The following DAOA variants were observed in gnomAD, a reference collection of about 807,000 sequenced individuals.
DAOA encodes D-amino acid oxidase regulator.
A neutral mutation model predicts 16.4 loss-of-function variants in DAOA; 15 were observed. That is an observed-to-expected ratio of 0.91 (90% CI 0.61 to 1.41). DAOA has a LOEUF of 1.41. Ranked by LOEUF, DAOA falls within the 40% of genes most tolerant of loss-of-function variation. The pLI, the probability that DAOA is intolerant of heterozygous loss-of-function variation, is 0.00. For missense variants in DAOA, 230 were observed against 176.8 expected, an observed-to-expected ratio of 1.30 and a Z score of -1.71; for synonymous variants, 75 against 59.1, an observed-to-expected ratio of 1.27 and a Z score of -1.23.
intron 4 of DAOA, among the ~76,000 whole-genome samples, chr13:105,480,314 A>G (rs1877626381): frequency 1.3e-5 from 2 of 152,200 alleles, no homozygotes; most frequent in Middle Eastern, 3.4e-3. Context: ...AGCAGATACA[A>G]TATTTTACCT....
At chr13:105,486,125 C>T (rs377377263) in intron 4 of DAOA, among the ~76,000 whole-genome samples, 1 of 152,080 alleles carries the variant, frequency 6.6e-6, no homozygotes, top group Non-Finnish European at 1.5e-5. Context: ...CATGTCATTG[C>T]CCTTCTTCAA....
chr13:105,476,671 T>C (rs1263810033), intron 4 of DAOA, among the ~76,000 whole-genome samples: 1 of 152,066 alleles, frequency 6.6e-6, no homozygotes, highest in Admixed American at 6.6e-5. Flanking sequence ...TGAATGGCTA[T>C]AAATAGGGCA....
chr13:105,466,436 G>A (rs1876521801), intron 2 of DAOA, 104 bp downstream of exon 2: 29 of 1,572,312 alleles, frequency 1.8e-5, no homozygotes, highest in Non-Finnish European at 2.4e-5. Flanking sequence ...GACAGGAAGT[G>A]GAACATGTCA....
intron 4 of DAOA, among the ~76,000 whole-genome samples, chr13:105,482,011 G>T (rs1460396559): frequency 7.2e-5 from 11 of 152,166 alleles, no homozygotes; most frequent in Non-Finnish European, 1.3e-4. Context: ...AGAGCAAAGG[G>T]ACTTATATGG....
intron 4 of DAOA, among the ~76,000 whole-genome samples, chr13:105,482,503 TA>T (rs1376013353): frequency 4.5e-4 from 68 of 149,626 alleles, no homozygotes; most frequent in Non-Finnish European, 8.3e-4. Flanking sequence ...GACCTTGGTG[TA>T]AGTTTTTTTT....
At chr13:105,478,520 G>A (rs1234866289) in intron 4 of DAOA, among the ~76,000 whole-genome samples, 1 of 152,132 alleles carries the variant, frequency 6.6e-6, no homozygotes, top group Non-Finnish European at 1.5e-5. Context: ...TTCTGTTCAA[G>A]AATAGACTTG....
chr13:105,479,068 G>T (rs1256799913), intron 4 of DAOA, among the ~76,000 whole-genome samples: 1 of 152,156 alleles, frequency 6.6e-6, no homozygotes, highest in Non-Finnish European at 1.5e-5. Context: ...ATTCAGTGGT[G>T]CACAGGACCA....
intron 4 of DAOA, among the ~76,000 whole-genome samples, chr13:105,483,010 C>T (rs1022502216): frequency 2.0e-5 from 3 of 152,092 alleles, no homozygotes; most frequent in East Asian, 1.9e-4. Context: ...TTCTTATGCT[C>T]CTTTTAATCT....
chr13:105,472,538 C>G lies in DAOA; in HGVS notation c.134C>G (p.Ala45Gly). 1 of 1,612,858 alleles carries G rather than the reference C, an allele frequency of 6.2e-7. No individual in the cohort carries two copies. Among genetic ancestry groups the G allele is most frequent in the Non-Finnish European group, 8.5e-7 (1 of 1,179,402 alleles). Residue 45 changes from alanine (A) to glycine (G), a missense_variant and splice_region_variant, in exon 4 of 6, where the codon GCA (alanine) becomes GGA (glycine). Coordinates refer to ENST00000375936, the MANE Select transcript of DAOA (RefSeq NM_172370.5). ...TATATCCACTTAAATACTGTTGCAG[C>G]AAAGGAGACAGAAGAAGGAAGAGAG... is the stretch of plus-strand genomic sequence containing the variant. ...SKSENSLNSIAKETEEGRETV... is the reference protein window; with the variant it reads ...SKSENSLNSIGKETEEGRETV...
At chr13:105,486,104 G>A (rs952217673) in intron 4 of DAOA, among the ~76,000 whole-genome samples, 12 of 152,090 alleles carry the variant, frequency 7.9e-5, no homozygotes, top group Admixed American at 2.6e-4. Context: ...TTGTAAAAAA[G>A]CAAATTGGAA....
At chr13:105,485,375 C>A (rs1254222472) in intron 4 of DAOA, among the ~76,000 whole-genome samples, 1 of 151,992 alleles carries the variant, frequency 6.6e-6, no homozygotes, top group Non-Finnish European at 1.5e-5. Context: ...ATGGCATCAT[C>A]ATCTGGAAGA....
intron 4 of DAOA, among the ~76,000 whole-genome samples, chr13:105,480,180 T>C (rs183830455): frequency 1.4e-4 from 21 of 152,330 alleles, no homozygotes; most frequent in African/African-American, 4.8e-4. Context: ...TTCCCTGTCA[T>C]TAAAATTTCA....
chr13:105,467,008 G>T (rs749623011), intron 2 of DAOA, 45 bp from the exon 3 acceptor site: 5 of 1,594,976 alleles, frequency 3.1e-6, no homozygotes, highest in African/African-American at 1.3e-5. Flanking sequence ...CTTCTGCAGG[G>T]TATAAAGGAA....
At chr13:105,466,096 A>G in intron 1 of DAOA, 36 bp downstream of exon 1, 1 of 750,860 alleles carries the variant, frequency 1.3e-6, no homozygotes. Context: ...AACAGTGAGC[A>G]AGTTTATCAG....
chr13:105,486,064 A>G (rs1878083842), intron 4 of DAOA, among the ~76,000 whole-genome samples: 1 of 152,142 alleles, frequency 6.6e-6, no homozygotes, highest in Admixed American at 6.5e-5. Context: ...GTCCCTTTAT[A>G]TGCTACTCCA....
At chr13:105,481,470 T>A (rs1273540822) in intron 4 of DAOA, among the ~76,000 whole-genome samples, 2 of 152,110 alleles carry the variant, frequency 1.3e-5, no homozygotes, top group South Asian at 4.2e-4. Context: ...AAGTGGCTAT[T>A]TCATATATGT....
intron 4 of DAOA, among the ~76,000 whole-genome samples, chr13:105,478,050 C>G (rs1877460691): frequency 6.6e-6 from 1 of 152,150 alleles, no homozygotes; most frequent in Non-Finnish European, 1.5e-5. Flanking sequence ...ATAGTTAATA[C>G]TATGAAATAT....
intron 4 of DAOA, 151 bp downstream of exon 4, chr13:105,472,836 T>C (rs750907520): frequency 1.5e-4 from 88 of 581,346 alleles, no homozygotes; most frequent in Admixed American, 3.6e-4. Context: ...GTCTATTACA[T>C]AGGAACCATT....
In DAOA at chr13:105,476,275, C is replaced by T. The variant is rs191480762; in HGVS notation, c.281+3590C>T. On this transcript the variant is annotated intron_variant, in intron 4 of 5. Transcript: ENST00000375936. ...GGAACATCCAGGCACTGGAATTTCTCACTTTTTTTCCTTCTCCCTCTCAAC... is the reference window on the plus strand; with the variant it reads ...GGAACATCCAGGCACTGGAATTTCTTACTTTTTTTCCTTCTCCCTCTCAAC... 2.7e-3 allele frequency among the ~76,000 whole-genome samples: 414 copies of T among 152,166 alleles called. 1 individual carries two copies. Among genetic ancestry groups the T allele is most frequent in the African/African-American group, 9.7e-3 (404 of 41,532 alleles).
Sources: gnomAD v4.1 joint callset for allele counts (sites outside exome capture counted in the v4.1 genomes callset) on GRCh38, gnomAD v4.1.1 for gene constraint, MANE v1.5 for transcripts, NCBI Gene and HGNC (gene_info 2026-07-23, HGNC 2026-07-21) for gene names.